The following STXBP5L variants were observed in gnomAD, a reference collection of about 807,000 sequenced individuals.
STXBP5L encodes the protein syntaxin binding protein 5L.
A neutral mutation model predicts 144.5 loss-of-function variants in STXBP5L; 65 were observed. That is an observed-to-expected ratio of 0.45 (90% CI 0.37 to 0.55). The LOEUF is 0.55. Among genes scored for constraint, STXBP5L ranks in the 20% least tolerant of loss-of-function variants. The pLI, the probability that STXBP5L is intolerant of heterozygous loss-of-function variation, is 0.00. For synonymous variants in STXBP5L, 505 were observed against 469.6 expected, an observed-to-expected ratio of 1.08 and a Z score of -0.97; for missense variants, 1,298 against 1,405.5, an observed-to-expected ratio of 0.92 and a Z score of 1.22.
At chr3:121,349,612 A>T (rs2045180790) in intron 20 of STXBP5L, among the ~76,000 whole-genome samples, 1 of 151,970 alleles carries the variant, frequency 6.6e-6, no homozygotes, top group Non-Finnish European at 1.5e-5. Context: ...GTAGGTCTCT[A>T]AGGACTTGCT....
At chr3:121,348,221 G>T (rs1015169850) in intron 20 of STXBP5L, among the ~76,000 whole-genome samples, 1 of 152,092 alleles carries the variant, frequency 6.6e-6, no homozygotes, top group Non-Finnish European at 1.5e-5. Flanking sequence ...TAATCATGTG[G>T]TTTTTGTCGT....
intron 3 of STXBP5L, among the ~76,000 whole-genome samples, chr3:120,998,644 G>A (rs1943539783): frequency 6.6e-6 from 1 of 152,006 alleles, no homozygotes; most frequent in Non-Finnish European, 1.5e-5. Context: ...TTGGTTTTCT[G>A]TTTTTCTGTT....
intron 10 of STXBP5L, among the ~76,000 whole-genome samples, chr3:121,209,835 A>G (rs1156551127): frequency 6.6e-6 from 1 of 152,176 alleles, no homozygotes. Flanking sequence ...TCTATCACTG[A>G]TGGACATTTG....
At chr3:120,950,539 A>AT (rs927042169) in intron 2 of STXBP5L, among the ~76,000 whole-genome samples, 14 of 149,334 alleles carry the variant, frequency 9.4e-5, no homozygotes, top group African/African-American at 3.1e-4. Context: ...TAGTTTGTCA[A>AT]TTTTTTTTAT....
chr3:121,267,983 G>A (rs1375727560), intron 18 of STXBP5L, among the ~76,000 whole-genome samples: 2 of 152,154 alleles, frequency 1.3e-5, no homozygotes, highest in African/African-American at 4.8e-5. Context: ...TTCAACCATT[G>A]GGGAAGACAG....
chr3:121,104,222 C>T (rs890741801), intron 5 of STXBP5L, among the ~76,000 whole-genome samples: 5 of 151,810 alleles, frequency 3.3e-5, no homozygotes, highest in Non-Finnish European at 5.9e-5. Context: ...CAAATAATAT[C>T]CTGACAAAAG....
At chr3:121,232,677 C>A (rs2049346105) in intron 11 of STXBP5L, among the ~76,000 whole-genome samples, 1 of 152,136 alleles carries the variant, frequency 6.6e-6, no homozygotes, top group Non-Finnish European at 1.5e-5. Flanking sequence ...GGTCCATTTG[C>A]CCATGCACAA....
At chr3:121,392,878 T>C (rs939082053) in intron 22 of STXBP5L, among the ~76,000 whole-genome samples, 2 of 150,124 alleles carry the variant, frequency 1.3e-5, no homozygotes, top group African/African-American at 4.9e-5. Flanking sequence ...TTGTAAGTAG[T>C]GCTGCAATAA....
chr3:121,261,547 T>G (rs188394137), intron 18 of STXBP5L, among the ~76,000 whole-genome samples: 15 of 152,230 alleles, frequency 9.9e-5, no homozygotes, highest in African/African-American at 2.9e-4. Context: ...ATCTAGCAAT[T>G]AAAAAAGATA....
chr3:121,331,267 C>T (rs370139384), intron 20 of STXBP5L, among the ~76,000 whole-genome samples: 37 of 152,180 alleles, frequency 2.4e-4, no homozygotes, highest in African/African-American at 8.9e-4. Context: ...AACAGTCAGG[C>T]AGCCCGGGTG....
At chr3:121,015,032 GA>G (rs1180962506) in intron 3 of STXBP5L, among the ~76,000 whole-genome samples, 3 of 152,044 alleles carry the variant, frequency 2.0e-5, no homozygotes, top group African/African-American at 7.2e-5. Context: ...AATCAGTGGA[GA>G]AAAAGATCAT....
intron 9 of STXBP5L, among the ~76,000 whole-genome samples, chr3:121,169,053 G>T (rs148124373): frequency 6.6e-6 from 1 of 152,274 alleles, no homozygotes; most frequent in East Asian, 1.9e-4. Flanking sequence ...TTAAAGAAAA[G>T]AATTTTCAAC....
rs147708521 is a variant in STXBP5L at position 121,346,232 on chromosome 3, T to A, written c.2176+27692T>A. ...GATTTTTGTCCTTGCAATAGTTTGC[T>A]GAGAATGATGGTTTCCAGCTTCATC... is the stretch of plus-strand genomic sequence containing the variant. On this transcript the variant is annotated intron_variant, in intron 20 of 26. Transcript: ENST00000471454. Among the ~76,000 whole-genome samples the A allele has an allele frequency of 1.7e-3, 263 of 152,098 alleles. 2 individuals carry two copies. The highest frequency in any genetic ancestry group is 2.2e-3 in the Admixed American group (34 of 15,254).
intron 20 of STXBP5L, among the ~76,000 whole-genome samples, chr3:121,319,507 C>T (rs1030655572): frequency 6.6e-6 from 1 of 151,946 alleles, no homozygotes; most frequent in Non-Finnish European, 1.5e-5. Context: ...AAATTTTTCT[C>T]TTAGTCATAT....
chr3:120,979,027 G>A (rs138122404), intron 3 of STXBP5L, among the ~76,000 whole-genome samples: 35,390 of 152,080 alleles, frequency 0.23, 4,246 homozygotes, highest in Non-Finnish European at 0.26. Context: ...CAGTCTGCCC[G>A]TTCTCAGATC....
chr3:121,290,777 A>G (rs1209547250), intron 19 of STXBP5L, among the ~76,000 whole-genome samples: 1 of 152,176 alleles, frequency 6.6e-6, no homozygotes, highest in Non-Finnish European at 1.5e-5. Context: ...AATGTGATAC[A>G]TCACGAAACA....
chr3:121,380,411 G>A (rs1272267832), intron 21 of STXBP5L, among the ~76,000 whole-genome samples: 1 of 152,106 alleles, frequency 6.6e-6, no homozygotes, highest in Non-Finnish European at 1.5e-5. Flanking sequence ...AGTTACATGT[G>A]TACCTATCAA....
At chr3:121,045,609 A>G (rs1576763074) in intron 5 of STXBP5L, 74 bp downstream of exon 5, 1 of 1,335,796 alleles carries the variant, frequency 7.5e-7, no homozygotes, top group Non-Finnish European at 1.0e-6. Flanking sequence ...TGTTAACTTG[A>G]CAGGCTTTTT....
intron 7 of STXBP5L, among the ~76,000 whole-genome samples, chr3:121,146,358 A>T (rs1367211336): frequency 6.6e-6 from 1 of 152,048 alleles, no homozygotes; most frequent in Non-Finnish European, 1.5e-5. Flanking sequence ...GTAAAATATA[A>T]TAAATGTATG....
Sources: allele counts gnomAD v4.1 joint callset (sites outside exome capture counted in the v4.1 genomes callset), GRCh38; gene constraint gnomAD v4.1.1; transcripts MANE v1.5; gene names NCBI Gene and HGNC (gene_info 2026-07-23, HGNC 2026-07-21).